Variants in COG6 observed in about 807,000 individuals in gnomAD.
The protein encoded by COG6 is component of oligomeric golgi complex 6.
COG6 carries 74 observed loss-of-function variants against 88.8 expected under a neutral mutation model. That is an observed-to-expected ratio of 0.83 (90% CI 0.69 to 1.01). The LOEUF (loss-of-function observed/expected upper bound fraction) is 1.01. Ranked by LOEUF, COG6 falls within the 50% of genes least tolerant of loss-of-function variation. COG6 has a pLI of 0.00. For synonymous variants in COG6, 286 were observed against 278.7 expected, an observed-to-expected ratio of 1.03 and a Z score of -0.26; for missense variants, 800 against 797.9, an observed-to-expected ratio of 1.00 and a Z score of -0.03.
At chr13:39,755,301 A>T (rs1476530737), downstream of COG6, among the ~76,000 whole-genome samples, 4 of 152,140 alleles carry the variant, frequency 2.6e-5, no homozygotes, top group African/African-American at 9.7e-5. Context: ...AACACGCCAC[A>T]TTCATGGTAT....
Position 39,723,396 on chromosome 13 carries a change from T to C in COG6, c.1648T>C (p.Leu550=). ...QASYVLTRVG[L]SYIYNTVQQH... Reference sequence around the variant, plus strand: ...CTCTTATGTTTTAACTAGGGTAGGCTTGAGTTACATCTATAACACTGTACA... The same window carrying C: ...CTCTTATGTTTTAACTAGGGTAGGCCTGAGTTACATCTATAACACTGTACA... The change falls in exon 16 of 19, where the codon TTG becomes CTG. Residue 550 remains leucine, a synonymous_variant. Coordinates refer to ENST00000455146, the MANE Select transcript of COG6 (RefSeq NM_020751.3). The C allele has an allele frequency of 6.2e-7, 1 of 1,611,008 alleles. No homozygotes were observed. Among genetic ancestry groups the C allele is most frequent in the Non-Finnish European group, 8.5e-7 (1 of 1,177,400 alleles).
chr13:39,764,685 A>G (rs915577146), intron 18 of COG6, among the ~76,000 whole-genome samples: 6 of 151,966 alleles, frequency 3.9e-5, no homozygotes, highest in African/African-American at 9.7e-5. Flanking sequence ...GGTTATTTTT[A>G]TATTACTGAT....
At chr13:39,667,401 C>T (rs932958385) in intron 4 of COG6, among the ~76,000 whole-genome samples, 1 of 152,144 alleles carries the variant, frequency 6.6e-6, no homozygotes, top group Non-Finnish European at 1.5e-5. Flanking sequence ...ATGTTGTCCT[C>T]AGATTTATAG....
chr13:39,687,710 A>G lies in COG6; in HGVS notation c.920A>G (p.Tyr307Cys), dbSNP rs754624882. 3.1e-6 allele frequency: 5 copies of G among 1,613,900 alleles called. No individual in the cohort carries two copies. Among genetic ancestry groups the G allele is most frequent in the Admixed American group, 3.3e-5 (2 of 59,998 alleles). ...CATTAACATTTAGTTTTCATTAGGTATGTAGGAGATATGTTGGCTTGGCTC... is the reference window on the plus strand; with the variant it reads ...CATTAACATTTAGTTTTCATTAGGTGTGTAGGAGATATGTTGGCTTGGCTC... Reference protein sequence around the residue: ...IEMHSHDPLRYVGDMLAWLHQ... With the variant: ...IEMHSHDPLRCVGDMLAWLHQ... The change falls in exon 10 of 19, where the codon TAT (tyrosine) becomes TGT (cysteine). Residue 307 changes from tyrosine to cysteine, a missense_variant and splice_region_variant. Coordinates refer to ENST00000455146, the MANE Select transcript of COG6 (RefSeq NM_020751.3).
At chr13:39,769,101 C>T (rs921541550) in intron 18 of COG6, among the ~76,000 whole-genome samples, 13 of 151,400 alleles carry the variant, frequency 8.6e-5, no homozygotes, top group Admixed American at 4.6e-4. Context: ...TCCACTGTGA[C>T]AAGTTAGTCA....
At chr13:39,714,669 T>G (rs529989090) in intron 13 of COG6, among the ~76,000 whole-genome samples, 3 of 151,982 alleles carry the variant, frequency 2.0e-5, no homozygotes, top group African/African-American at 7.2e-5. Flanking sequence ...ATACTGCTGG[T>G]GGGAATGTAA....
At chr13:39,775,329 C>T (rs562813127) in intron 18 of COG6, among the ~76,000 whole-genome samples, 8 of 152,310 alleles carry the variant, frequency 5.3e-5, no homozygotes, top group African/African-American at 1.4e-4. Context: ...TCAGCATTCA[C>T]TGGATGTTAG....
chr13:39,769,562 G>T (rs1032092961), intron 18 of COG6, among the ~76,000 whole-genome samples: 1 of 152,174 alleles, frequency 6.6e-6, no homozygotes, highest in African/African-American at 2.4e-5. Flanking sequence ...ATCTAGTACA[G>T]AGCTAGATAC....
At chr13:39,661,948 C>T (rs1874921713) in intron 3 of COG6, among the ~76,000 whole-genome samples, 1 of 151,510 alleles carries the variant, frequency 6.6e-6, no homozygotes, top group Non-Finnish European at 1.5e-5. Flanking sequence ...TTATATTAGA[C>T]TACTCAGTTT....
intron 4 of COG6, among the ~76,000 whole-genome samples, chr13:39,676,587 T>C (rs1875980631): frequency 6.6e-6 from 1 of 152,126 alleles, no homozygotes; most frequent in Non-Finnish European, 1.5e-5. Context: ...ATCCCAAAGG[T>C]GCAAATAAAA....
chr13:39,784,694 A>G lies in COG6; in HGVS notation c.1827-3641A>G, dbSNP rs142166120. Among the ~76,000 whole-genome samples, 228 of 152,336 alleles carry G rather than the reference A, an allele frequency of 1.5e-3. 2 individuals carry two copies. The highest frequency in any genetic ancestry group is 5.3e-3 in the African/African-American group (220 of 41,578). ...TAAGGAAACCTGTTTTGATGAAGATAATGTCCTTAACCAAGGCCCAGGAAC... is the reference window on the plus strand; with the variant it reads ...TAAGGAAACCTGTTTTGATGAAGATGATGTCCTTAACCAAGGCCCAGGAAC... On this transcript the variant is annotated intron_variant, in intron 18 of 18. Coordinates refer to the COG6 transcript ENST00000416691.
At chr13:39,743,980 T>A (rs569525282) in intron 18 of COG6, among the ~76,000 whole-genome samples, 12 of 152,112 alleles carry the variant, frequency 7.9e-5, no homozygotes, top group African/African-American at 2.9e-4. Context: ...ACCTATCATA[T>A]AAACAGAACC....
chr13:39,669,044 A>G (rs1036692578), intron 4 of COG6, among the ~76,000 whole-genome samples: 19 of 152,166 alleles, frequency 1.2e-4, no homozygotes, highest in African/African-American at 4.1e-4. Flanking sequence ...CCATCACCAC[A>G]AATAGTGTCC....
intron 18 of COG6, among the ~76,000 whole-genome samples, chr13:39,746,475 G>T (rs1880359424): frequency 6.6e-6 from 1 of 152,094 alleles, no homozygotes; most frequent in African/African-American, 2.4e-5. Flanking sequence ...CTGTACATAG[G>T]GTGTTTAGTT....
chr13:39,764,439 G>A (rs774760989), intron 18 of COG6, among the ~76,000 whole-genome samples: 5 of 150,734 alleles, frequency 3.3e-5, no homozygotes, highest in African/African-American at 1.2e-4. Context: ...TTCTTGAAAT[G>A]GAAGCTTATA....
intron 18 of COG6, among the ~76,000 whole-genome samples, chr13:39,747,906 A>G (rs1248755720): frequency 2.0e-5 from 3 of 152,230 alleles, no homozygotes; most frequent in Non-Finnish European, 4.4e-5. Context: ...TACTACATTT[A>G]CAAGTTACTC....
At chr13:39,773,648 TG>T (rs1245069664) in intron 18 of COG6, among the ~76,000 whole-genome samples, 5 of 152,210 alleles carry the variant, frequency 3.3e-5, no homozygotes, top group Non-Finnish European at 7.3e-5. Context: ...TGTTCCAGCC[TG>T]ACTCCAATCA....
intron 18 of COG6, chr13:39,788,270 G>A (rs564630531): frequency 9.5e-6 from 14 of 1,466,484 alleles, no homozygotes; most frequent in South Asian, 6.1e-5. Flanking sequence ...AGGAATGTGA[G>A]GTATTCAAAG....
chr13:39,741,166 A>G (rs980923452), intron 18 of COG6, among the ~76,000 whole-genome samples: 33 of 152,162 alleles, frequency 2.2e-4, no homozygotes, highest in South Asian at 2.1e-4. Flanking sequence ...TGAGAATAAT[A>G]TCTCCATTTA....
Sources: allele counts gnomAD v4.1 joint callset (sites outside exome capture counted in the v4.1 genomes callset), GRCh38; gene constraint gnomAD v4.1.1; transcripts MANE v1.5; gene names NCBI Gene and HGNC (gene_info 2026-07-23, HGNC 2026-07-21).